TAC1: variants seen among roughly 807,000 people sequenced by gnomAD.
TAC1 encodes the protein protachykinin-1.
TAC1 carries 12 observed loss-of-function variants against 21.7 expected under a neutral mutation model. The observed-to-expected ratio is 0.55, with a 90% CI of 0.35 to 0.89. TAC1 has a LOEUF of 0.89. Among genes scored for constraint, TAC1 ranks in the 40% least tolerant of loss-of-function variants. The pLI, the probability that TAC1 is intolerant of heterozygous loss-of-function variation, is 0.01. For synonymous variants in TAC1, 52 were observed against 52.0 expected, an observed-to-expected ratio of 1.00 and a Z score of 0.00; for missense variants, 128 against 151.4, an observed-to-expected ratio of 0.85 and a Z score of 0.81.
chr7:97,737,020 G>T (rs78145257), intron 6 of TAC1, among the ~76,000 whole-genome samples: 1 of 151,712 alleles, frequency 6.6e-6, no homozygotes, highest in African/African-American at 2.4e-5. Context: ...CAACTTTTTC[G>T]TATGATATAA....
At chr7:97,737,493 G>A (rs143542660) in intron 6 of TAC1, among the ~76,000 whole-genome samples, 1 of 151,336 alleles carries the variant, frequency 6.6e-6, no homozygotes, top group African/African-American at 2.4e-5. Context: ...ATCAAAACGC[G>A]CAATAGAAAA....
At chr7:97,736,545 T>C (rs1584418001) in intron 6 of TAC1, among the ~76,000 whole-genome samples, 193 bp downstream of exon 6, 1 of 152,056 alleles carries the variant, frequency 6.6e-6, no homozygotes, top group Non-Finnish European at 1.5e-5. Context: ...ACAGTATCTG[T>C]CTATTTCTCT....
At chr7:97,739,141 A>ACC (rs1562785847) in intron 6 of TAC1, among the ~76,000 whole-genome samples, 5 of 151,910 alleles carry the variant, frequency 3.3e-5, no homozygotes, top group Non-Finnish European at 7.4e-5. Flanking sequence ...GTGAAAAGTT[A>ACC]AACAGTATGG....
Position 97,732,660 on chromosome 7 carries a change from G to C in TAC1, c.48G>C (p.Gln16His). The change falls in exon 2 of 7, where the codon CAG becomes CAC. Residue 16 changes from glutamine to histidine, a missense_variant. Transcript: ENST00000319273. The surrounding 1 kb of genome is among the most constrained non-coding windows in gnomAD (Gnocchi z 6.2). ...ALAVFFLVST[Q>H]LFAEEIGAND... is the part of the protein sequence containing the mutation. Reference sequence around the variant, plus strand: ...CAGTCTTTTTTCTTGTCTCCACTCAGCTGTTTGCAGAAGAAATAGGAGCCA... The same window carrying C: ...CAGTCTTTTTTCTTGTCTCCACTCACCTGTTTGCAGAAGAAATAGGAGCCA... 1 of 1,614,040 alleles carries C rather than the reference G, an allele frequency of 6.2e-7. No homozygotes were observed. Among genetic ancestry groups the C allele is most frequent in the Non-Finnish European group, 8.5e-7 (1 of 1,180,008 alleles).
At chr7:97,733,928 G>A (rs897860011) in intron 3 of TAC1, 109 bp downstream of exon 3, 2 of 1,130,476 alleles carry the variant, frequency 1.8e-6, no homozygotes, top group African/African-American at 1.5e-5. Context: ...TCCACTCCAA[G>A]AGGGGTGTAA....
Position 97,732,896 on chromosome 7 carries a change from T to G in TAC1, c.123+161T>G. 1.1e-6 allele frequency: 1 copy of G among 930,536 alleles called. No individual in the cohort carries two copies. The highest frequency in any genetic ancestry group is 1.6e-6 in the Non-Finnish European group (1 of 641,680). 57.6% of individuals were successfully genotyped at this position (930,536 alleles called of 1,614,324 possible). ...TGGAAAGGGGCACTATTTCCCGGGTTCCCCACGGGATTTTGTGCCCACGAT... is the reference window on the plus strand; with the variant it reads ...TGGAAAGGGGCACTATTTCCCGGGTGCCCCACGGGATTTTGTGCCCACGAT... On this transcript the variant is annotated intron_variant, in intron 2 of 6. Transcript: ENST00000319273. The surrounding 1 kb of genome is among the most constrained non-coding windows in gnomAD (Gnocchi z 6.2).
chr7:97,737,671 C>T (rs997253801), intron 6 of TAC1, among the ~76,000 whole-genome samples: 2 of 151,834 alleles, frequency 1.3e-5, no homozygotes, highest in Non-Finnish European at 2.9e-5. Context: ...TTATTGGGTC[C>T]CCACTTTCTA....
At chr7:97,735,205 C>A (rs1233523395) in intron 5 of TAC1, among the ~76,000 whole-genome samples, 2 of 152,024 alleles carry the variant, frequency 1.3e-5, no homozygotes, top group Non-Finnish European at 2.9e-5. Flanking sequence ...CAAACAAACA[C>A]GAAACCCCCA....
At chr7:97,738,120 A>G (rs1562785487) in intron 6 of TAC1, among the ~76,000 whole-genome samples, 1 of 152,010 alleles carries the variant, frequency 6.6e-6, no homozygotes, top group Non-Finnish European at 1.5e-5. Context: ...GGAAATATAA[A>G]TAGGTGAAAT....
rs755746407 is a variant in TAC1, at chr7:97,732,953, G to T, written c.123+218G>T. 5.3e-6 allele frequency: 3 copies of T among 561,294 alleles called. No individual in the cohort carries two copies. The highest frequency in any genetic ancestry group is 1.9e-5 in the African/African-American group (1 of 53,420). The allele number at this position is 561,294 out of a possible 1,614,324, so 34.8% of individuals were successfully genotyped here. ...TTCTTCCCGAGGGCTGCACCGTCCG[G>T]CCCAGGAACTCCCTGCAGTAGGGAT... On this transcript the variant is annotated intron_variant, in intron 2 of 6. Transcript: ENST00000319273. The surrounding 1 kb of genome is among the most constrained non-coding windows in gnomAD (Gnocchi z 6.2).
intron 4 of TAC1, 148 bp from the exon 5 acceptor site, chr7:97,734,678 A>G (rs1364647179): frequency 6.2e-6 from 4 of 644,820 alleles, no homozygotes; most frequent in Non-Finnish European, 1.1e-5. Context: ...TAATTTGTTT[A>G]GCATTTATGG....
rs549744627 is a variant in TAC1, at chr7:97,733,113, T to C, written c.123+378T>C. ...CTGGGCACGGGCAGAGGAGGGCGCC[T>C]GGGTCGCGGGCAGCAGCGGGCACAC... is the stretch of plus-strand genomic sequence containing the variant. On this transcript the variant is annotated intron_variant, in intron 2 of 6. Coordinates refer to ENST00000319273, the MANE Select transcript of TAC1 (RefSeq NM_003182.3). 11 of 191,040 alleles carry C rather than the reference T, an allele frequency of 5.8e-5. No individual in the cohort carries two copies. The East Asian group carries it at 1.5e-3, about 26-fold the overall frequency. The allele number at this position is 191,040 out of a possible 1,614,324, so 11.8% of individuals were successfully genotyped here.
chr7:97,732,961 A>C lies in TAC1; in HGVS notation c.123+226A>C. The C allele has an allele frequency of 1.9e-6, 1 of 517,584 alleles. No individual in the cohort carries two copies. The highest frequency in any genetic ancestry group is 3.4e-6 in the Non-Finnish European group (1 of 298,034). 32.1% of individuals were successfully genotyped at this position (517,584 alleles called of 1,614,324 possible). A position where few individuals can be genotyped will look rare whatever the true frequency, so the allele number is the denominator to read the frequency against. On this transcript the variant is annotated intron_variant, in intron 2 of 6. Coordinates refer to ENST00000319273, the MANE Select transcript of TAC1 (RefSeq NM_003182.3). This position sits in a 1 kb window ranked among gnomAD's most constrained non-coding sequence, Gnocchi z 6.2. ...GAGGGCTGCACCGTCCGGCCCAGGA[A>C]CTCCCTGCAGTAGGGATGCCCTCCC...
intron 5 of TAC1, among the ~76,000 whole-genome samples, chr7:97,735,160 A>G (rs527964595): frequency 6.6e-6 from 1 of 151,966 alleles, no homozygotes; most frequent in East Asian, 1.9e-4. Flanking sequence ...CCAGCCACCC[A>G]CCCCCTAAGC....
intron 3 of TAC1, 75 bp from the exon 4 acceptor site, chr7:97,734,172 GA>G: frequency 7.1e-7 from 1 of 1,415,850 alleles, no homozygotes; most frequent in Non-Finnish European, 1.0e-6. Flanking sequence ...TTTGTCTTGG[GA>G]TAGAAATATC....
At chr7:97,738,762 G>C (rs1789632080) in intron 6 of TAC1, among the ~76,000 whole-genome samples, 1 of 151,892 alleles carries the variant, frequency 6.6e-6, no homozygotes, top group African/African-American at 2.4e-5. Flanking sequence ...AAACTGTTTA[G>C]AGTAGCACTT....
chr7:97,733,676 C>T (rs774214302), intron 2 of TAC1, 47 bp from the exon 3 acceptor site: 9 of 1,596,384 alleles, frequency 5.6e-6, no homozygotes, highest in South Asian at 1.1e-5. Flanking sequence ...CTGGGTGCCT[C>T]GCTCTGGTTG....
rs1382149331 is a variant in TAC1 at position 97,732,987 on chromosome 7, G to T, written c.123+252G>T. ...CTCCCTGCAGTAGGGATGCCCTCCC[G>T]GATGAGCCCGAGATCCTCACAAGGC... On this transcript the variant is annotated intron_variant, in intron 2 of 6. Coordinates refer to ENST00000319273, the MANE Select transcript of TAC1 (RefSeq NM_003182.3). The surrounding 1 kb of genome is among the most constrained non-coding windows in gnomAD (Gnocchi z 6.2). 5 of 417,244 alleles carry T rather than the reference G, an allele frequency of 1.2e-5. No individual in the cohort carries two copies. The East Asian group carries it at 1.9e-4, about 16-fold the overall frequency. The allele number at this position is 417,244 out of a possible 1,614,324, so 25.8% of individuals were successfully genotyped here. A position where few individuals can be genotyped will look rare whatever the true frequency, so the allele number is the denominator to read the frequency against.
intron 6 of TAC1, among the ~76,000 whole-genome samples, chr7:97,738,434 T>C (rs1035511737): frequency 2.6e-5 from 4 of 152,044 alleles, no homozygotes; most frequent in Non-Finnish European, 5.9e-5. Flanking sequence ...TTGGTTTACA[T>C]TAGCTTTCAT....
Sources: allele counts gnomAD v4.1 joint callset (sites outside exome capture counted in the v4.1 genomes callset), GRCh38; gene constraint gnomAD v4.1.1; non-coding constraint Gnocchi (gnomAD v3.1); transcripts MANE v1.5; gene names NCBI Gene and HGNC (gene_info 2026-07-23, HGNC 2026-07-21).